PUS7: variants seen among roughly 807,000 people sequenced by gnomAD.
The protein encoded by PUS7 is pseudouridylate synthase 7 homolog.
PUS7 carries 48 observed loss-of-function variants against 79.8 expected under a neutral mutation model. That is an observed-to-expected ratio of 0.60 (90% confidence interval 0.48 to 0.76). The LOEUF (loss-of-function observed/expected upper bound fraction) is 0.76. PUS7 is among the 30% of genes least tolerant of loss of function. PUS7 has a pLI of 0.00. For synonymous variants in PUS7, 286 were observed against 272.2 expected, an observed-to-expected ratio of 1.05 and a Z score of -0.50; for missense variants, 729 against 797.6, an observed-to-expected ratio of 0.91 and a Z score of 1.04.
chr7:105,465,263 T>C (rs370317362), intron 13 of PUS7, 50 bp downstream of exon 13: 2 of 1,321,896 alleles, frequency 1.5e-6, no homozygotes, highest in Non-Finnish European at 2.2e-6. Flanking sequence ...AAATAGTAGC[T>C]TCATTATGTT....
chr7:105,505,785 C>G (rs1293887804), intron 4 of PUS7, among the ~76,000 whole-genome samples, 170 bp downstream of exon 4: 1 of 152,118 alleles, frequency 6.6e-6, no homozygotes, highest in African/African-American at 2.4e-5. Context: ...ATCTGGGATA[C>G]TAGTTATCTG....
At chr7:105,476,130 A>C (rs1824101022) in intron 9 of PUS7, among the ~76,000 whole-genome samples, 1 of 150,550 alleles carries the variant, frequency 6.6e-6, no homozygotes, top group Non-Finnish European at 1.5e-5. Flanking sequence ...TCTCAAAAAA[A>C]AAAAAAAAAA....
chr7:105,495,229 T>G lies in PUS7; in HGVS notation c.755A>C (p.Lys252Thr). The change falls in exon 6 of 16, where the codon AAA becomes ACA. Residue 252 changes from lysine to threonine, a missense_variant. By Grantham distance (78) the Lys-to-Thr change is moderately conservative. Transcript: ENST00000469408. ...LANPRKHSWP[K>T]SRGSYCHFVL... ...GAAGTGGCAGTAACTTCCCCTAGAT[T>G]TTGGCCAAGAATGTTTTCTTGGATC... 6.2e-7 allele frequency: 1 copy of G among 1,611,300 alleles called. No individual in the cohort carries two copies. Among genetic ancestry groups the G allele is most frequent in the South Asian group, 1.1e-5 (1 of 90,778 alleles).
Position 105,480,052 on chromosome 7 carries a change from G to C in PUS7, c.1175+1000C>G, listed in dbSNP as rs146552407. ...AAGAGCGAGGGAAGGGCAGATCAAAGTTTAATAAACGTGTTAACACAGATC... is the reference window on the plus strand; with the variant it reads ...AAGAGCGAGGGAAGGGCAGATCAAACTTTAATAAACGTGTTAACACAGATC... On this transcript the variant is annotated intron_variant, in intron 9 of 15. Coordinates refer to ENST00000469408, the MANE Select transcript of PUS7 (RefSeq NM_019042.5). Among the ~76,000 whole-genome samples the C allele has an allele frequency of 6.8e-3, 1,036 of 152,252 alleles. 16 individuals carry two copies. Among genetic ancestry groups the C allele is most frequent in the Non-Finnish European group, 8.9e-3 (603 of 68,010 alleles).
rs112752687 is a variant in PUS7, at chr7:105,505,003, A to ATTTTTTTTTTTTTTTTTTTTT, written c.585+951_585+952insAAAAAAAAAAAAAAAAAAAAA. ...TGTAGTACAAAATTAATTTAACATA[A>ATTTTTTTTTTTTTTTTTTTTT]TTTTTTTTTTTTTTTGATATGGAGT... is the stretch of plus-strand genomic sequence containing the variant. On this transcript the variant is annotated intron_variant, in intron 4 of 15. Transcript: ENST00000469408. Among the ~76,000 whole-genome samples the ATTTTTTTTTTTTTTTTTTTTT allele has an allele frequency of 4.8e-3, 690 of 142,498 alleles. 11 individuals are homozygous for ATTTTTTTTTTTTTTTTTTTTT. Among genetic ancestry groups the ATTTTTTTTTTTTTTTTTTTTT allele is most frequent in the South Asian group, 0.012 (54 of 4,358 alleles). The allele number at this position is 142,498 out of a possible 152,430, so 93.5% of individuals were successfully genotyped here.
intron 4 of PUS7, among the ~76,000 whole-genome samples, chr7:105,504,574 C>A (rs763104362): frequency 6.6e-6 from 1 of 152,210 alleles, no homozygotes; most frequent in African/African-American, 2.4e-5. Context: ...AATGAGGAAG[C>A]TTGCCCATAG....
At chr7:105,476,251 G>GTGAATGCTGCTATTA (rs1824106709) in intron 9 of PUS7, among the ~76,000 whole-genome samples, 1 of 151,666 alleles carries the variant, frequency 6.6e-6, no homozygotes, top group African/African-American at 2.4e-5. Context: ...TTCGGCTATT[G>GTGAATGCTGCTATTA]TGAATGCTGC....
At position 105,481,162 on chromosome 7, in the gene PUS7, AG is replaced by A. The variant is rs762538294; in HGVS notation, c.1064del (p.Thr355MetfsTer9). 9.3e-5 allele frequency: 149 copies of A among 1,608,908 alleles called. No individual in the cohort carries two copies. The highest frequency in any genetic ancestry group is 1.2e-4 in the Non-Finnish European group (145 of 1,177,988). Reference protein sequence around the residue: ...FTVVLRNITGTDDQVQQAMNS... With the variant: ...FTVVLRNITGXDDQVQQAMNS... ...TCATAGCTTGCTGTACTTGGTCATC[AG>A]TTCCTGTTATATTTCTACAGGGACA... On this transcript the variant is annotated frameshift_variant, in exon 9 of 16. Coordinates refer to ENST00000469408, the MANE Select transcript of PUS7 (RefSeq NM_019042.5). LOFTEE classifies it high-confidence loss of function.
chr7:105,492,281 C>A (rs1022382103), intron 6 of PUS7, among the ~76,000 whole-genome samples: 19 of 151,438 alleles, frequency 1.3e-4, no homozygotes, highest in Non-Finnish European at 1.8e-4. Context: ...GTAAGACCTG[C>A]TCTCTTTAAA....
chr7:105,472,595 T>C (rs1217375420), intron 9 of PUS7, among the ~76,000 whole-genome samples: 3 of 152,018 alleles, frequency 2.0e-5, no homozygotes, highest in Non-Finnish European at 4.4e-5. Context: ...AGATTTGAAA[T>C]GTAAAAGAAC....
intron 5 of PUS7, among the ~76,000 whole-genome samples, chr7:105,498,996 C>T (rs1261708930): frequency 2.0e-5 from 3 of 152,060 alleles, no homozygotes; most frequent in Non-Finnish European, 2.9e-5. Context: ...CCTATGTTCC[C>T]CTCTCCTTAA....
At chr7:105,458,509 C>A (rs1255552686) in intron 15 of PUS7, among the ~76,000 whole-genome samples, 1 of 151,492 alleles carries the variant, frequency 6.6e-6, no homozygotes, top group Admixed American at 6.6e-5. Context: ...TCAAGTGATC[C>A]ACTTGTCTCG....
intron 9 of PUS7, among the ~76,000 whole-genome samples, chr7:105,477,478 G>A (rs1431308015): frequency 1.3e-5 from 2 of 151,926 alleles, no homozygotes; most frequent in African/African-American, 2.4e-5. Flanking sequence ...TTGAACTCCC[G>A]ACCTCAAGCA....
intron 1 of PUS7, among the ~76,000 whole-genome samples, chr7:105,521,086 T>C (rs1402701757): frequency 1.4e-5 from 2 of 147,738 alleles, no homozygotes; most frequent in African/African-American, 2.4e-5. Context: ...TGTTGGCTAC[T>C]TTCCTAATGT....
At chr7:105,483,055 C>A (rs553980842) in intron 7 of PUS7, among the ~76,000 whole-genome samples, 36 of 152,178 alleles carry the variant, frequency 2.4e-4, no homozygotes, top group African/African-American at 8.4e-4. Context: ...TAGAAATTTT[C>A]ATTAGAAATT....
At chr7:105,498,845 TG>T (rs1371218353) in intron 5 of PUS7, among the ~76,000 whole-genome samples, 1 of 152,248 alleles carries the variant, frequency 6.6e-6, no homozygotes, top group Admixed American at 6.5e-5. Flanking sequence ...CAGGCAGGTC[TG>T]GAACTCCAGG....
intron 15 of PUS7, among the ~76,000 whole-genome samples, chr7:105,458,803 C>T (rs887366102): frequency 1.3e-5 from 2 of 151,940 alleles, no homozygotes; most frequent in African/African-American, 2.4e-5. Context: ...CCTCGTGATC[C>T]GCCCGCCTCG....
intron 9 of PUS7, among the ~76,000 whole-genome samples, chr7:105,478,465 C>T (rs1824193347): frequency 6.6e-6 from 1 of 152,204 alleles, no homozygotes. Context: ...TTCTCTAATC[C>T]TAACACTTGT....
At chr7:105,460,723 G>A (rs183096075) in intron 14 of PUS7, among the ~76,000 whole-genome samples, 9,046 of 150,802 alleles carry the variant, frequency 0.06, 924 homozygotes, top group African/African-American at 0.21. Flanking sequence ...ACGTGGTAGC[G>A]GGCGCCTGTA....
Sources: gnomAD v4.1 joint callset for allele counts (sites outside exome capture counted in the v4.1 genomes callset) on GRCh38, gnomAD v4.1.1 for gene constraint, MANE v1.5 for transcripts, NCBI Gene and HGNC (gene_info 2026-07-23, HGNC 2026-07-21) for gene names.